POMC: variants seen among roughly 807,000 people sequenced by gnomAD.
POMC encodes the protein pro-opiomelanocortin.
In POMC, 19 loss-of-function variants were observed where a neutral mutation model predicts 18.5. That is an observed-to-expected ratio of 1.03 (90% confidence interval 0.72 to 1.51). The LOEUF (loss-of-function observed/expected upper bound fraction) is 1.51, where lower values mean the gene tolerates loss of function less well. Among genes scored for constraint, POMC ranks in the 40% most tolerant of loss-of-function variants. The probability of loss-of-function intolerance (pLI) is 0.00; values close to 1 mark genes in which losing one functional copy is unlikely to be tolerated. For missense variants in POMC, 451 were observed against 379.0 expected (o/e 1.19, Z -1.58); for synonymous variants, 179 against 161.9 (o/e 1.11, Z -0.80).
In POMC at chr2:25,160,884, TA is replaced by T; in HGVS notation, c.*196del. 1.1e-6 allele frequency: 1 copy of T among 904,186 alleles called. No individual in the cohort carries two copies. Among genetic ancestry groups the T allele is most frequent in the South Asian group, 1.8e-5 (1 of 56,154 alleles). The allele number at this position is 904,186 out of a possible 1,614,324, so 56.0% of individuals were successfully genotyped here. A position where few individuals can be genotyped will look rare whatever the true frequency, so the allele number is the denominator to read the frequency against. On this transcript the variant is annotated 3_prime_UTR_variant, in exon 3 of 3. Transcript: ENST00000395826. ...ATTTGACGGCTACGTATTTTTACTT[TA>T]TTCACACAGTTTACATTCAAAGTCA...
Position 25,161,337 on chromosome 2 carries a change from T to C in POMC, c.548A>G (p.Gln183Arg). 6.2e-7 allele frequency: 1 copy of C among 1,606,070 alleles called. No homozygotes were observed. Among genetic ancestry groups the C allele is most frequent in the Non-Finnish European group, 8.5e-7 (1 of 1,176,670 alleles). Residue 183 changes from glutamine to arginine, a missense_variant, in exon 3 of 3, where the codon CAG (glutamine) becomes CGG (arginine). Coordinates refer to ENST00000395826, the MANE Select transcript of POMC (RefSeq NM_000939.4). The surrounding 1 kb of genome is among the most constrained non-coding windows in gnomAD (Gnocchi z 5.7). ...GGGGCCATCTCCCTCCCGGAGTCGC[T>C]GGCCAGTCAGCTCCCTCTTGAACTC... ...PLEFKRELTG[Q>R]RLREGDGPDG...
In POMC at chr2:25,161,113, T is replaced by C; in HGVS notation, c.772A>G (p.Ile258Val). The change falls in exon 3 of 3, where the codon ATC becomes GTC. Residue 258 changes from isoleucine (I) to valine (V), a missense_variant. Transcript: ENST00000395826. The surrounding 1 kb of genome is among the most constrained non-coding windows in gnomAD (Gnocchi z 5.7). The part of the protein sequence containing the change: ...TPLVTLFKNA[I>V]IKNAYKKGE ...CCCTTCTTGTAGGCGTTCTTGATGA[T>C]GGCGTTTTTGAACAGCGTCACCAGG... 6.2e-7 allele frequency: 1 copy of C among 1,613,278 alleles called. No individual in the cohort carries two copies. The highest frequency in any genetic ancestry group is 8.5e-7 in the Non-Finnish European group (1 of 1,179,948).
chr2:25,162,653 G>A (rs999631948), intron 2 of POMC, among the ~76,000 whole-genome samples: 13 of 152,100 alleles, frequency 8.5e-5, no homozygotes, highest in Admixed American at 3.3e-4. Context: ...AGCTTGCAGT[G>A]AGGGGAGATC....
In POMC at chr2:25,168,297, G is replaced by A. The variant is rs1671627372; in HGVS notation, c.-21+201C>T. ...CAGCTTCGCGGCCGTCCGCCCAGGG[G>A]CCGGACGTGGGCCCTCCAGCTCAGC... On this transcript the variant is annotated intron_variant, in intron 1 of 2. Transcript: ENST00000395826. This position sits in a 1 kb window ranked among gnomAD's most constrained non-coding sequence, Gnocchi z 5.2. Among the ~76,000 whole-genome samples, 1 of 152,216 alleles carries A rather than the reference G, an allele frequency of 6.6e-6. No individual in the cohort carries two copies. The highest frequency in any genetic ancestry group is 2.1e-4 in the South Asian group (1 of 4,828).
intron 1 of POMC, chr2:25,165,749 CT>C (rs929507011): frequency 6.6e-6 from 1 of 152,148 alleles, no homozygotes; most frequent in African/African-American, 2.4e-5. Flanking sequence ...CATGGTGCCC[CT>C]AGCCCCCTGT....
Position 25,161,744 on chromosome 2 carries a change from G to C in POMC, c.141C>G (p.Ile47Met). The change falls in exon 3 of 3, where the codon ATC becomes ATG. Residue 47 changes from isoleucine (I) to methionine (M), a missense_variant. Coordinates refer to ENST00000395826, the MANE Select transcript of POMC (RefSeq NM_000939.4). This position sits in a 1 kb window ranked among gnomAD's most constrained non-coding sequence, Gnocchi z 5.7. The stretch of plus-strand genomic sequence containing the variant: ...CCGAGAGGTCGGGCTTGCAGGCCCG[G>C]ATGCACTCCTGGGGGAAGACGCGAG... ...LTTESNLLECIRACKPDLSAE... is the reference protein window; with the variant it reads ...LTTESNLLECMRACKPDLSAE... 4 of 1,593,980 alleles carry C rather than the reference G, an allele frequency of 2.5e-6. No individual in the cohort carries two copies. Among genetic ancestry groups the C allele is most frequent in the Non-Finnish European group, 3.4e-6 (4 of 1,171,480 alleles).
intron 1 of POMC, among the ~76,000 whole-genome samples, chr2:25,166,565 T>C (rs927591725): frequency 1.3e-5 from 2 of 152,218 alleles, no homozygotes; most frequent in Non-Finnish European, 2.9e-5. Flanking sequence ...TTCCCTCAAT[T>C]ATATTTCAAT....
chr2:25,166,172 G>A (rs151301263), intron 1 of POMC, among the ~76,000 whole-genome samples: 176 of 152,318 alleles, frequency 1.2e-3, no homozygotes, highest in South Asian at 3.3e-3. Context: ...GGGCCTGCAC[G>A]GTGCTAGCTT....
chr2:25,161,595 C>G lies in POMC; in HGVS notation c.290G>C (p.Ser97Thr). ...FGRRNSSSSG[S>T]SGAGQKREDV... ...CTCGCGCTTCTGCCCTGCGCCGCTG[C>G]TGCCGCTGCTGCTGCTGTTGCGGCG... The change falls in exon 3 of 3, where the codon AGC becomes ACC. Residue 97 changes from serine (S) to threonine (T), a missense_variant. Coordinates refer to ENST00000395826, the MANE Select transcript of POMC (RefSeq NM_000939.4). The surrounding 1 kb of genome is among the most constrained non-coding windows in gnomAD (Gnocchi z 5.7). 1 of 1,556,580 alleles carries G rather than the reference C, an allele frequency of 6.4e-7. No individual in the cohort carries two copies. Among genetic ancestry groups the G allele is most frequent in the South Asian group, 1.2e-5 (1 of 84,906 alleles).
Position 25,161,749 on chromosome 2 carries a change from A to T in POMC, c.136T>A (p.Cys46Ser), listed in dbSNP as rs1309309854. Residue 46 changes from cysteine to serine, a missense_variant, in exon 3 of 3, where the codon TGC becomes AGC. Physicochemically the swap from Cys to Ser is moderately radical, Grantham distance 112 (BLOSUM62 -1). Coordinates refer to ENST00000395826, the MANE Select transcript of POMC (RefSeq NM_000939.4). The surrounding 1 kb of genome is among the most constrained non-coding windows in gnomAD (Gnocchi z 5.7). ...AGGTCGGGCTTGCAGGCCCGGATGCACTCCTGGGGGAAGACGCGAGGGCAT... is the reference window on the plus strand; with the variant it reads ...AGGTCGGGCTTGCAGGCCCGGATGCTCTCCTGGGGGAAGACGCGAGGGCAT... ...DLTTESNLLE[C>S]IRACKPDLSA... 1 of 1,590,836 alleles carries T rather than the reference A, an allele frequency of 6.3e-7. No homozygotes were observed. The highest frequency in any genetic ancestry group is 1.7e-5 in the Admixed American group (1 of 57,720).
chr2:25,164,659 G>C lies in POMC; in HGVS notation c.114C>G (p.Thr38=). Residue 38 remains threonine, a synonymous_variant, in exon 2 of 3, where the codon ACC becomes ACG. Transcript: ENST00000395826. The part of the protein sequence containing the change: ...CLESSQCQDL[T]TESNLLECIR... ...CACGTACCAGCAGGTTGCTTTCCGT[G>C]GTGAGGTCCTGACACTGGCTGCTCT... The C allele has an allele frequency of 6.2e-7, 1 of 1,614,134 alleles. No individual in the cohort carries two copies. The highest frequency in any genetic ancestry group is 8.5e-7 in the Non-Finnish European group (1 of 1,180,000).
chr2:25,161,603 G>A lies in POMC; in HGVS notation c.282C>T (p.Ser94=), dbSNP rs28930368. 28,993 of 1,556,648 alleles carry A rather than the reference G, an allele frequency of 0.019. 2,478 individuals carry two copies. The East Asian group carries it at 0.3, about 16-fold the overall frequency. ...WDRFGRRNSS[S]SGSSGAGQKR... is the part of the protein sequence containing the mutation. ...TCTGCCCTGCGCCGCTGCTGCCGCT[G>A]CTGCTGCTGTTGCGGCGGCCGAATC... Residue 94 remains serine (S), a synonymous_variant, in exon 3 of 3, where the codon AGC becomes AGT. Transcript: ENST00000395826. The surrounding 1 kb of genome is among the most constrained non-coding windows in gnomAD (Gnocchi z 5.7).
rs898518740 is a variant in POMC, at chr2:25,161,878, G to A, written c.133-126C>T. On this transcript the variant is annotated intron_variant, in intron 2 of 2. Coordinates refer to ENST00000395826, the MANE Select transcript of POMC (RefSeq NM_000939.4). The surrounding 1 kb of genome is among the most constrained non-coding windows in gnomAD (Gnocchi z 5.7). ...TGCCGAGGACACAGGGCACAGTGTC[G>A]GGCGTGTCAAGCGTCGAGGCCTCCC... 6 of 1,417,722 alleles carry A rather than the reference G, an allele frequency of 4.2e-6. No individual in the cohort carries two copies. Among genetic ancestry groups the A allele is most frequent in the African/African-American group, 1.5e-5 (1 of 67,464 alleles). The allele number at this position is 1,417,722 out of a possible 1,614,324, so 87.8% of individuals were successfully genotyped here.
At chr2:25,164,384 TC>T (rs1234874355) in intron 2 of POMC, among the ~76,000 whole-genome samples, 9 of 152,124 alleles carry the variant, frequency 5.9e-5, no homozygotes, top group Admixed American at 2.6e-4. Flanking sequence ...GGGTTCAAGG[TC>T]TCCATAAAAG....
Position 25,161,187 on chromosome 2 carries a change from T to C in POMC, c.698A>G (p.Lys233Arg). ...CATGAAACCGCCGTAGCGCTTGTCC[T>C]TGGGCGGGCTGCCCCAGCGGAAGTG... ...MEHFRWGSPP[K>R]DKRYGGFMTS... Residue 233 changes from lysine (K) to arginine (R), a missense_variant, in exon 3 of 3, where the codon AAG becomes AGG. Coordinates refer to ENST00000395826, the MANE Select transcript of POMC (RefSeq NM_000939.4). The surrounding 1 kb of genome is among the most constrained non-coding windows in gnomAD (Gnocchi z 5.7). 6.2e-7 allele frequency: 1 copy of C among 1,613,862 alleles called. No homozygotes were observed. The highest frequency in any genetic ancestry group is 8.5e-7 in the Non-Finnish European group (1 of 1,180,018).
In POMC at chr2:25,168,173, C is replaced by T. The variant is rs1309261980; in HGVS notation, c.-21+325G>A. The stretch of plus-strand genomic sequence containing the variant: ...CCGTCTCAAAAAAAAAAAAAAAGAC[C>T]GGGTTGTCCCAAGACCTCCTAGCAA... On this transcript the variant is annotated intron_variant, in intron 1 of 2. Coordinates refer to ENST00000395826, the MANE Select transcript of POMC (RefSeq NM_000939.4). This position sits in a 1 kb window ranked among gnomAD's most constrained non-coding sequence, Gnocchi z 5.2. Among the ~76,000 whole-genome samples, 2 of 145,288 alleles carry T rather than the reference C, an allele frequency of 1.4e-5. No homozygotes were observed. Among genetic ancestry groups the T allele is most frequent in the African/African-American group, 2.5e-5 (1 of 39,308 alleles).
intron 1 of POMC, among the ~76,000 whole-genome samples, chr2:25,166,141 T>C (rs1436841666): frequency 1.3e-5 from 2 of 152,220 alleles, no homozygotes; most frequent in Admixed American, 6.5e-5. Context: ...TACCCCACCC[T>C]CGCCCTATTC....
In POMC at chr2:25,161,635, A is replaced by G. The variant is rs748145117; in HGVS notation, c.250T>C (p.Trp84Arg). The change falls in exon 3 of 3, where the codon TGG (tryptophan) becomes CGG (arginine). Residue 84 changes from tryptophan to arginine, a missense_variant. By Grantham distance (101) the Trp-to-Arg change is moderately radical. Transcript: ENST00000395826. This position sits in a 1 kb window ranked among gnomAD's most constrained non-coding sequence, Gnocchi z 5.7. Reference protein sequence around the residue: ...PRKYVMGHFRWDRFGRRNSSS... With the variant: ...PRKYVMGHFRRDRFGRRNSSS... ...CTGTTGCGGCGGCCGAATCGGTCCC[A>G]GCGGAAGTGGCCCATGACGTACTTC... The G allele has an allele frequency of 6.4e-7, 1 of 1,552,612 alleles. No individual in the cohort carries two copies. The highest frequency in any genetic ancestry group is 1.2e-5 in the South Asian group (1 of 84,372).
chr2:25,167,362 A>T (rs1020534050), intron 1 of POMC, among the ~76,000 whole-genome samples: 3 of 152,196 alleles, frequency 2.0e-5, no homozygotes. Context: ...CCATTTAAAC[A>T]TGAAGAATTT....
Sources: allele counts gnomAD v4.1 joint callset (sites outside exome capture counted in the v4.1 genomes callset), GRCh38; gene constraint gnomAD v4.1.1; non-coding constraint Gnocchi (gnomAD v3.1); transcripts MANE v1.5; gene names NCBI Gene and HGNC (gene_info 2026-07-23, HGNC 2026-07-21).